SMG7: variants seen among roughly 807,000 people sequenced by gnomAD.
SMG7 encodes the protein SMG7 nonsense mediated mRNA decay factor.
SMG7 carries 34 observed loss-of-function variants against 148.2 expected under a neutral mutation model. The ratio of observed to expected loss-of-function variants is 0.23; its 90% CI spans 0.17 to 0.31. The LOEUF is 0.31. Ranked by LOEUF, SMG7 falls within the 10% of genes least tolerant of loss-of-function variation. The probability of loss-of-function intolerance (pLI) is 1.00; values close to 1 mark genes in which losing one functional copy is unlikely to be tolerated. For synonymous variants in SMG7, 492 were observed against 515.1 expected (o/e 0.96, Z 0.61); for missense variants, 1,114 against 1,408.4 (o/e 0.79, Z 3.35).
chr1:183,553,186 A>G lies in SMG7; in HGVS notation c.*1255A>G. ...GACGTCGTCCATTTTGGAAGAGACG[A>G]AAGAAAGGAAAATAAACTCTTTGTA... On this transcript the variant is annotated 3_prime_UTR_variant, in exon 23 of 23. Coordinates refer to ENST00000688051, the MANE Select transcript of SMG7 (RefSeq NM_001375584.1). 1.3e-6 allele frequency: 2 copies of G among 1,535,756 alleles called. No individual in the cohort carries two copies. Among genetic ancestry groups the G allele is most frequent in the Non-Finnish European group, 1.7e-6 (2 of 1,146,346 alleles).
chr1:183,514,594 A>T (rs781472302), intron 2 of SMG7, among the ~76,000 whole-genome samples: 1 of 152,264 alleles, frequency 6.6e-6, no homozygotes, highest in Non-Finnish European at 1.5e-5. Flanking sequence ...TTTCTTAGAC[A>T]TTGAACAACC....
chr1:183,490,502 T>G (rs530319255), intron 1 of SMG7, among the ~76,000 whole-genome samples: 3 of 152,350 alleles, frequency 2.0e-5, no homozygotes, highest in Admixed American at 2.0e-4. Flanking sequence ...ATAACTATTA[T>G]AAATGTATAT....
Position 183,544,782 on chromosome 1 carries a change from C to T in SMG7, c.1988-148C>T, listed in dbSNP as rs192106481. 1.1e-5 allele frequency: 10 copies of T among 902,954 alleles called. No individual in the cohort carries two copies. The Admixed American group carries it at 2.1e-4, about 19-fold the overall frequency. The allele number at this position is 902,954 out of a possible 1,614,324, so 55.9% of individuals were successfully genotyped here. A position where few individuals can be genotyped will look rare whatever the true frequency, so the allele number is the denominator to read the frequency against. On this transcript the variant is annotated intron_variant, in intron 15 of 22. Coordinates refer to ENST00000688051, the MANE Select transcript of SMG7 (RefSeq NM_001375584.1). ...AATATCAAGTCTATTTTTAGTTCTTCAAATCAAGTTAAAGATTGACAACAT... is the reference window on the plus strand; with the variant it reads ...AATATCAAGTCTATTTTTAGTTCTTTAAATCAAGTTAAAGATTGACAACAT...
At chr1:183,526,049 C>T (rs1422912850) in intron 4 of SMG7, among the ~76,000 whole-genome samples, 2 of 151,406 alleles carry the variant, frequency 1.3e-5, no homozygotes, top group African/African-American at 4.9e-5. Flanking sequence ...CTGCTGTATG[C>T]ACATCCTAGA....
At chr1:183,499,016 A>G (rs1659182830) in intron 1 of SMG7, among the ~76,000 whole-genome samples, 2 of 152,180 alleles carry the variant, frequency 1.3e-5, no homozygotes, top group African/African-American at 4.8e-5. Flanking sequence ...TATGGTATAT[A>G]GTCATTTTAG....
chr1:183,544,040 G>A (rs1669451894), intron 14 of SMG7, among the ~76,000 whole-genome samples: 4 of 152,138 alleles, frequency 2.6e-5, no homozygotes, highest in Admixed American at 2.6e-4. Context: ...TCATAGACAA[G>A]TTTTTTTCAA....
intron 14 of SMG7, among the ~76,000 whole-genome samples, chr1:183,542,956 T>A (rs546035641): frequency 2.2e-4 from 34 of 151,296 alleles, no homozygotes; most frequent in Admixed American, 5.3e-4. Context: ...TGTGTGTGTG[T>A]GTGTGTGTGT....
In SMG7 at chr1:183,472,531, C is replaced by A; in HGVS notation, c.-90C>A. 2 of 1,264,956 alleles carry A rather than the reference C, an allele frequency of 1.6e-6. No individual in the cohort carries two copies. The highest frequency in any genetic ancestry group is 1.8e-5 in the South Asian group (1 of 55,254). The allele number at this position is 1,264,956 out of a possible 1,614,324, so 78.4% of individuals were successfully genotyped here. On this transcript the variant is annotated 5_prime_UTR_variant, in exon 1 of 23. Coordinates refer to ENST00000688051, the MANE Select transcript of SMG7 (RefSeq NM_001375584.1). ...CGGAGGAGAGGAAGATGGCGGCGGC[C>A]GCCAGCACCCGCGGTGCCGCGGGGC...
rs560375814 is a variant in SMG7, at chr1:183,477,242, T to C, written c.29+4593T>C. Among the ~76,000 whole-genome samples the C allele has an allele frequency of 7.6e-4, 116 of 152,304 alleles. 1 individual carries two copies. Among genetic ancestry groups the C allele is most frequent in the African/African-American group, 2.7e-3 (112 of 41,588 alleles). ...ATTGTGGGAGCCACTGTTCATACTC[T>C]ATGCTCCCTTCAACTTTCCTCCTTT... is the stretch of plus-strand genomic sequence containing the variant. On this transcript the variant is annotated intron_variant, in intron 1 of 22. Coordinates refer to ENST00000688051, the MANE Select transcript of SMG7 (RefSeq NM_001375584.1).
intron 1 of SMG7, among the ~76,000 whole-genome samples, chr1:183,503,186 A>T (rs777777151): frequency 1.3e-5 from 2 of 152,226 alleles, no homozygotes; most frequent in Non-Finnish European, 2.9e-5. Context: ...CTTACCTGAT[A>T]GAATTGTTGT....
chr1:183,539,114 T>G (rs1446186367), intron 12 of SMG7, among the ~76,000 whole-genome samples: 1 of 151,996 alleles, frequency 6.6e-6, no homozygotes, highest in East Asian at 1.9e-4. Flanking sequence ...ATCACGCCAC[T>G]GCACTCCAGC....
chr1:183,516,042 C>CCT (rs757330611), intron 3 of SMG7, 51 bp downstream of exon 3: 1 of 1,126,414 alleles, frequency 8.9e-7, no homozygotes, highest in Non-Finnish European at 1.3e-6. Context: ...AGAATTTCAC[C>CCT]GAGACTTTAA....
intron 1 of SMG7, among the ~76,000 whole-genome samples, chr1:183,508,569 G>A (rs7526074): frequency 2.6e-5 from 4 of 152,044 alleles, no homozygotes; most frequent in South Asian, 2.1e-4. Context: ...ATAAGGTTAC[G>A]TATCCATTGA....
chr1:183,483,898 A>G (rs1654774009), intron 1 of SMG7, among the ~76,000 whole-genome samples: 1 of 152,160 alleles, frequency 6.6e-6, no homozygotes. Flanking sequence ...TGGTTGTTTA[A>G]ACGCATACAC....
At chr1:183,488,009 T>C (rs1173948157) in intron 1 of SMG7, among the ~76,000 whole-genome samples, 1 of 152,226 alleles carries the variant, frequency 6.6e-6, no homozygotes, top group Non-Finnish European at 1.5e-5. Context: ...CTGTTTCTGT[T>C]GGTGCTAGCC....
intron 4 of SMG7, among the ~76,000 whole-genome samples, chr1:183,519,459 G>C (rs549665029): frequency 6.6e-6 from 1 of 151,266 alleles, no homozygotes; most frequent in East Asian, 1.9e-4. Context: ...CTGTCAAAAG[G>C]CTACTATTTG....
chr1:183,549,462 C>T (rs1289502149), intron 19 of SMG7, among the ~76,000 whole-genome samples, 174 bp downstream of exon 19: 1 of 152,164 alleles, frequency 6.6e-6, no homozygotes, highest in Non-Finnish European at 1.5e-5. Context: ...ACTTGTACAT[C>T]ATGAATTAAA....
At chr1:183,524,217 G>A (rs1665365084) in intron 4 of SMG7, among the ~76,000 whole-genome samples, 4 of 152,018 alleles carry the variant, frequency 2.6e-5, no homozygotes, top group South Asian at 4.2e-4. Flanking sequence ...AAAGTACGGG[G>A]ACTATAGCAC....
At chr1:183,514,618 T>C (rs1663048179) in intron 2 of SMG7, among the ~76,000 whole-genome samples, 1 of 152,248 alleles carries the variant, frequency 6.6e-6, no homozygotes, top group South Asian at 2.1e-4. Context: ...GTAAATAGTC[T>C]TAGGGTTTGA....
Sources: allele counts gnomAD v4.1 joint callset (sites outside exome capture counted in the v4.1 genomes callset), GRCh38; gene constraint gnomAD v4.1.1; transcripts MANE v1.5; gene names NCBI Gene and HGNC (gene_info 2026-07-23, HGNC 2026-07-21).